CABP1: variants seen among roughly 807,000 people sequenced by gnomAD.
CABP1 encodes calcium binding protein 1.
CABP1 carries 17 observed loss-of-function variants against 34.3 expected under a neutral mutation model. The ratio of observed to expected loss-of-function variants is 0.50; its 90% CI spans 0.34 to 0.74. The LOEUF is 0.74. CABP1 is among the 30% of genes least tolerant of loss of function. The pLI is 0.01. For synonymous variants in CABP1, 198 were observed against 229.2 expected (o/e 0.86, Z 1.23); for missense variants, 373 against 511.1 (o/e 0.73, Z 2.61).
chr12:120,650,464 GGCAGAC>G, intron 1 of CABP1: 1 of 1,467,190 alleles, frequency 6.8e-7, no homozygotes, highest in Admixed American at 2.7e-5. Context: ...AGCAGGAGCA[GGCAGAC>G]GAGTAAGAGA....
chr12:120,650,035 T>TTGTGTGTGCATGCACGTTTG (rs1879742456), intron 1 of CABP1: 1 of 149,206 alleles, frequency 6.7e-6, no homozygotes, highest in Non-Finnish European at 1.5e-5. Context: ...GCATGCACGT[T>TTGTGTGTGCATGCACGTTTG]TGTGTGTGTG....
the CABP1 span, among the ~76,000 whole-genome samples, chr12:120,678,156 C>T: frequency 6.6e-6 from 1 of 152,218 alleles, no homozygotes; most frequent in Non-Finnish European, 1.5e-5. Flanking sequence ...CTGGCTCCCA[C>T]CCCTGCCTTG....
chr12:120,668,632 AGCAAGTGCCCTCAGG>A (rs1314159009), downstream of CABP1, among the ~76,000 whole-genome samples: 1 of 152,220 alleles, frequency 6.6e-6, no homozygotes, highest in Non-Finnish European at 1.5e-5. Flanking sequence ...GTCAGTGCAT[AGCAAGTGCCCTCAGG>A]GCATTGCACC....
At chr12:120,655,911 A>G in intron 1 of CABP1, 1 of 1,536,648 alleles carries the variant, frequency 6.5e-7, no homozygotes, top group Non-Finnish European at 8.7e-7. Flanking sequence ...ATTTCCGTCA[A>G]GGATTGGAGA....
At chr12:120,659,770 G>T (rs7302002) in intron 1 of CABP1, 108 bp from the exon 2 acceptor site, 25,952 of 969,332 alleles carry the variant, frequency 0.027, 1,527 homozygotes, top group East Asian at 0.21. Flanking sequence ...CTGCATCCTC[G>T]TCACCTCCTA....
chr12:120,653,717 A>G lies in CABP1; in HGVS notation c.655-6161A>G, dbSNP rs534409764. Among the ~76,000 whole-genome samples the G allele has an allele frequency of 3.7e-4, 56 of 152,172 alleles. No individual in the cohort carries two copies. In the South Asian group the frequency reaches 0.011, roughly 29 times the overall value. On this transcript the variant is annotated intron_variant, in intron 1 of 5. Coordinates refer to ENST00000316803, the MANE Select transcript of CABP1 (RefSeq NM_001033677.2). ...CGCGGCTAATTTTTGTATTTTTAGT[A>G]CAGACGGGGTTTCGCCATGTTGGCA...
downstream of CABP1, among the ~76,000 whole-genome samples, chr12:120,667,940 G>A (rs1457459910): frequency 6.6e-6 from 1 of 152,214 alleles, no homozygotes; most frequent in Non-Finnish European, 1.5e-5. Flanking sequence ...TCTATAAGAA[G>A]AGAAGCATCC....
chr12:120,666,972 C>A lies in CABP1; in HGVS notation c.*72C>A. 1.3e-6 allele frequency: 2 copies of A among 1,527,714 alleles called. No homozygotes were observed. Among genetic ancestry groups the A allele is most frequent in the South Asian group, 2.4e-5 (2 of 84,566 alleles). 94.6% of individuals were successfully genotyped at this position (1,527,714 alleles called of 1,614,324 possible). A position where few individuals can be genotyped will look rare whatever the true frequency, so the allele number is the denominator to read the frequency against. On this transcript the variant is annotated 3_prime_UTR_variant, in exon 6 of 6. Coordinates refer to ENST00000316803, the MANE Select transcript of CABP1 (RefSeq NM_001033677.2). ...TAAGAGGAGCTAGAGCTTGCCTCAC[C>A]CGCTGTAGCCGCCGAGAGCCCAGGA... is the stretch of plus-strand genomic sequence containing the variant.
In CABP1 at chr12:120,667,145, A is replaced by G. The variant is rs1003400316; in HGVS notation, c.*245A>G. ...CCACCGTGCCAAGCCGGCAGAGGTC[A>G]TGCCAGGCGCCAAGGGCCATGTGCC... On this transcript the variant is annotated 3_prime_UTR_variant, in exon 6 of 6. Coordinates refer to ENST00000316803, the MANE Select transcript of CABP1 (RefSeq NM_001033677.2). 1.7e-6 allele frequency: 1 copy of G among 582,274 alleles called. No homozygotes were observed. Among genetic ancestry groups the G allele is most frequent in the South Asian group, 2.0e-5 (1 of 49,044 alleles). The allele number at this position is 582,274 out of a possible 1,614,324, so 36.1% of individuals were successfully genotyped here.
intron 5 of CABP1, among the ~76,000 whole-genome samples, chr12:120,665,739 A>T (rs1223126281): frequency 6.6e-6 from 1 of 151,830 alleles, no homozygotes; most frequent in Non-Finnish European, 1.5e-5. Flanking sequence ...AGAGAGAGAG[A>T]GGCCCGGCGC....
In CABP1 at chr12:120,640,852, C is replaced by G. The variant is rs111271980; in HGVS notation, c.167C>G (p.Ala56Gly). 1 of 1,073,648 alleles carries G rather than the reference C, an allele frequency of 9.3e-7. No homozygotes were observed. The highest frequency in any genetic ancestry group is 6.5e-5 in the East Asian group (1 of 15,332). 66.5% of individuals were successfully genotyped at this position (1,073,648 alleles called of 1,614,324 possible). The part of the protein sequence containing the change: ...PPPGHASAGP[A>G]AMSSHIAKSE... Reference sequence around the variant, plus strand: ...CCGGGCCATGCGAGCGCGGGCCCCGCCGCGATGAGCTCGCACATCGCCAAA... The same window carrying G: ...CCGGGCCATGCGAGCGCGGGCCCCGGCGCGATGAGCTCGCACATCGCCAAA... Residue 56 changes from alanine (A) to glycine (G), a missense_variant, in exon 1 of 6, where the codon GCC becomes GGC. Ala to Gly is a moderately conservative substitution (Grantham distance 60, BLOSUM62 0). Transcript: ENST00000316803. This position sits in a 1 kb window ranked among gnomAD's most constrained non-coding sequence, Gnocchi z 6.2.
At position 120,640,969 on chromosome 12, in the gene CABP1, G is replaced by C. The variant is rs1171696149; in HGVS notation, c.284G>C (p.Gly95Ala). 4.0e-5 allele frequency: 46 copies of C among 1,146,836 alleles called. No individual in the cohort carries two copies. The highest frequency in any genetic ancestry group is 4.9e-5 in the Non-Finnish European group (46 of 933,852). The allele number at this position is 1,146,836 out of a possible 1,614,324, so 71.0% of individuals were successfully genotyped here. Reference protein sequence around the residue: ...APRHGPARDPGLPSRRLPGSC... With the variant: ...APRHGPARDPALPSRRLPGSC... ...CGCCACGGCCCTGCCCGGGACCCGGGGCTGCCTAGCCGCCGGCTACCCGGC... is the reference window on the plus strand; with the variant it reads ...CGCCACGGCCCTGCCCGGGACCCGGCGCTGCCTAGCCGCCGGCTACCCGGC... Residue 95 changes from glycine (G) to alanine (A), a missense_variant, in exon 1 of 6, where the codon GGG becomes GCG. Around this residue, in one of 4 missense-constraint regions of CABP1, gnomAD observed 134 missense variants for 145.4 expected, o/e 0.92. Coordinates refer to ENST00000316803, the MANE Select transcript of CABP1 (RefSeq NM_001033677.2). This position sits in a 1 kb window ranked among gnomAD's most constrained non-coding sequence, Gnocchi z 6.2.
At chr12:120,679,862 C>A in the CABP1 span, among the ~76,000 whole-genome samples, 1 of 151,552 alleles carries the variant, frequency 6.6e-6, no homozygotes, top group Non-Finnish European at 1.5e-5. Context: ...GAAATTATGG[C>A]AAATTTTATC....
In CABP1 at chr12:120,641,212, C is replaced by G; in HGVS notation, c.527C>G (p.Ser176Cys). 1 of 1,258,578 alleles carries G rather than the reference C, an allele frequency of 7.9e-7. No homozygotes were observed. The highest frequency in any genetic ancestry group is 1.0e-6 in the Non-Finnish European group (1 of 1,002,666). The allele number at this position is 1,258,578 out of a possible 1,614,324, so 78.0% of individuals were successfully genotyped here. The change falls in exon 1 of 6, where the codon TCC becomes TGC. Residue 176 changes from serine (S) to cysteine (C), a missense_variant. Physicochemically the swap from Ser to Cys is moderately radical, Grantham distance 112 (BLOSUM62 -1). Around this residue, in one of 4 missense-constraint regions of CABP1, gnomAD observed 121 missense variants for 125.5 expected, o/e 0.96. Transcript: ENST00000316803. The surrounding 1 kb of genome is among the most constrained non-coding windows in gnomAD (Gnocchi z 6.7). ...CGGGATGGGGAGGAACGGGGACTGTCCCCGGCGCTCGGCCTCCGGGGCTCT... is the reference window on the plus strand; with the variant it reads ...CGGGATGGGGAGGAACGGGGACTGTGCCCGGCGCTCGGCCTCCGGGGCTCT... The part of the protein sequence containing the change: ...RGRDGEERGL[S>C]PALGLRGSLR...
Position 120,649,196 on chromosome 12 carries a change from C to T in CABP1, c.654+7857C>T, listed in dbSNP as rs566156132. Among the ~76,000 whole-genome samples the T allele has an allele frequency of 4.6e-5, 7 of 152,270 alleles. No homozygotes were observed. The East Asian group carries it at 1.4e-3, about 29-fold the overall frequency. On this transcript the variant is annotated intron_variant, in intron 1 of 5. Coordinates refer to ENST00000316803, the MANE Select transcript of CABP1 (RefSeq NM_001033677.2). ...TATCCAGGGACCTCCTTCCCAGCTC[C>T]CTAGGAGTGAGCACCCTCTGGGCAG...
downstream of CABP1, among the ~76,000 whole-genome samples, chr12:120,671,480 T>C (rs1881250616): frequency 6.6e-6 from 1 of 152,088 alleles, no homozygotes; most frequent in African/African-American, 2.4e-5. Flanking sequence ...TAAGTGGAAT[T>C]TTGTCTAACT....
intron 1 of CABP1, among the ~76,000 whole-genome samples, chr12:120,657,124 T>C (rs1437153523): frequency 2.0e-5 from 3 of 152,202 alleles, no homozygotes; most frequent in Non-Finnish European, 4.4e-5. Flanking sequence ...CATGTGGCTA[T>C]TGACCACTTG....
At position 120,640,828 on chromosome 12, in the gene CABP1, C is replaced by G. The variant is rs1879281134; in HGVS notation, c.143C>G (p.Pro48Arg). The G allele has an allele frequency of 1.9e-6, 2 of 1,078,698 alleles. No homozygotes were observed. Among genetic ancestry groups the G allele is most frequent in the South Asian group, 8.7e-5 (2 of 23,000 alleles). The allele number at this position is 1,078,698 out of a possible 1,614,324, so 66.8% of individuals were successfully genotyped here. ...CCGCGCCGCACCGCGCCGCCCCCGC[C>G]GGGCCATGCGAGCGCGGGCCCCGCC... ...PAPRRTAPPP[P>R]GHASAGPAAM... Residue 48 changes from proline (P) to arginine (R), a missense_variant, in exon 1 of 6, where the codon CCG (proline) becomes CGG (arginine). Physicochemically the swap from Pro to Arg is moderately radical, Grantham distance 103. Around this residue, in one of 4 missense-constraint regions of CABP1, gnomAD observed 134 missense variants for 145.4 expected, o/e 0.92. Coordinates refer to ENST00000316803, the MANE Select transcript of CABP1 (RefSeq NM_001033677.2). This position sits in a 1 kb window ranked among gnomAD's most constrained non-coding sequence, Gnocchi z 6.2.
downstream of CABP1, among the ~76,000 whole-genome samples, chr12:120,671,255 A>C (rs1461521567): frequency 6.6e-6 from 1 of 151,972 alleles, no homozygotes; most frequent in Non-Finnish European, 1.5e-5. Context: ...AAATACAAAA[A>C]TTAGCCAGGC....
Sources: gnomAD v4.1 joint callset for allele counts (sites outside exome capture counted in the v4.1 genomes callset) on GRCh38, gnomAD v4.1.1 for gene constraint, gnomAD v4.1.1 regional missense constraint, Gnocchi (gnomAD v3.1) non-coding constraint, MANE v1.5 for transcripts, NCBI Gene and HGNC (gene_info 2026-07-23, HGNC 2026-07-21) for gene names.